ADAM2: variants seen among roughly 807,000 people sequenced by gnomAD.
The protein encoded by ADAM2 is disintegrin and metalloproteinase domain-containing protein 2.
A neutral mutation model predicts 99.3 loss-of-function variants in ADAM2; 101 were observed. The ratio of observed to expected loss-of-function variants is 1.02; its 90% confidence interval spans 0.87 to 1.20. ADAM2 has a LOEUF of 1.20. Ranked by LOEUF, ADAM2 falls within the 50% of genes most tolerant of loss-of-function variation. The probability of loss-of-function intolerance (pLI) is 0.00; values close to 1 mark genes in which losing one functional copy is unlikely to be tolerated. For missense variants in ADAM2, 948 were observed against 878.7 expected, an observed-to-expected ratio of 1.08 and a Z score of -1.00; for synonymous variants, 323 against 287.6, an observed-to-expected ratio of 1.12 and a Z score of -1.25.
intron 6 of ADAM2, among the ~76,000 whole-genome samples, chr8:39,816,665 T>A (rs1252742580): frequency 6.6e-6 from 1 of 152,090 alleles, no homozygotes; most frequent in African/African-American, 2.4e-5. Context: ...ACCTTATAAG[T>A]GAAAGAAGTC....
chr8:39,822,980 G>T (rs903139304), intron 4 of ADAM2, among the ~76,000 whole-genome samples: 2 of 152,076 alleles, frequency 1.3e-5, no homozygotes, highest in Non-Finnish European at 2.9e-5. Context: ...TTTTGGTCAG[G>T]ATGGTCTCCA....
At chr8:39,785,797 A>T (rs1031527189) in intron 10 of ADAM2, among the ~76,000 whole-genome samples, 17 of 31,238 alleles carry the variant, frequency 5.4e-4, no homozygotes, top group Non-Finnish European at 9.0e-4. Flanking sequence ...TGTCTCAAAT[A>T]AAAAAAAAAA....
At chr8:39,795,425 T>C (rs1803896951) in intron 7 of ADAM2, among the ~76,000 whole-genome samples, 1 of 152,288 alleles carries the variant, frequency 6.6e-6, no homozygotes, top group Admixed American at 6.5e-5. Flanking sequence ...GCCTGCTACC[T>C]GGAGGCTTCA....
At chr8:39,784,337 T>C (rs1803365914) in intron 10 of ADAM2, among the ~76,000 whole-genome samples, 1 of 152,180 alleles carries the variant, frequency 6.6e-6, no homozygotes, top group African/African-American at 2.4e-5. Flanking sequence ...CAGTAAATTA[T>C]GGCATTTTCT....
In ADAM2 at chr8:39,800,524, T is replaced by C. The variant is rs540704398; in HGVS notation, c.570+8886A>G. Reference sequence around the variant, plus strand: ...TGTCTTGGAGTTGATTTTCTCATGGTGTACTTTAACAGTGTTCTCTGTATT... The same window carrying C: ...TGTCTTGGAGTTGATTTTCTCATGGCGTACTTTAACAGTGTTCTCTGTATT... On this transcript the variant is annotated intron_variant, in intron 7 of 20. Coordinates refer to ENST00000265708, the MANE Select transcript of ADAM2 (RefSeq NM_001464.5). Among the ~76,000 whole-genome samples the C allele has an allele frequency of 2.7e-3, 415 of 152,186 alleles. 1 individual carries two copies. Among genetic ancestry groups the C allele is most frequent in the Non-Finnish European group, 4.8e-3 (329 of 67,982 alleles).
At chr8:39,819,094 A>T (rs1805068437) in intron 6 of ADAM2, among the ~76,000 whole-genome samples, 1 of 152,098 alleles carries the variant, frequency 6.6e-6, no homozygotes, top group Non-Finnish European at 1.5e-5. Flanking sequence ...GAAAATAAGA[A>T]TATTGAAGGA....
At chr8:39,760,065 C>G (rs996906803) in intron 15 of ADAM2, among the ~76,000 whole-genome samples, 2 of 152,002 alleles carry the variant, frequency 1.3e-5, no homozygotes, top group African/African-American at 4.8e-5. Context: ...CGGGGATTCA[C>G]CAGGTTGGCC....
At chr8:39,749,586 CGTGT>C in intron 17 of ADAM2, 77 bp downstream of exon 17, 2 of 1,214,444 alleles carry the variant, frequency 1.6e-6, no homozygotes, top group Admixed American at 1.9e-5. Context: ...TGTGTGTGTG[CGTGT>C]GTGTGTGTGT....
intron 2 of ADAM2, among the ~76,000 whole-genome samples, chr8:39,835,195 C>G (rs1475299991): frequency 6.6e-6 from 1 of 152,118 alleles, no homozygotes; most frequent in African/African-American, 2.4e-5. Flanking sequence ...ACTATTACCT[C>G]TTCTTCTTTT....
At chr8:39,828,349 A>G (rs1805492127) in intron 3 of ADAM2, among the ~76,000 whole-genome samples, 1 of 151,842 alleles carries the variant, frequency 6.6e-6, no homozygotes, top group South Asian at 2.1e-4. Flanking sequence ...GGTAATTGGT[A>G]GGAGGACTAA....
chr8:39,804,101 G>A (rs1311018594), intron 7 of ADAM2, among the ~76,000 whole-genome samples: 4 of 152,192 alleles, frequency 2.6e-5, no homozygotes, highest in Non-Finnish European at 1.5e-5. Flanking sequence ...GTTTGTGGAT[G>A]TTCTCTTCTG....
chr8:39,767,150 T>C lies in ADAM2; in HGVS notation c.1311+3A>G, dbSNP rs1301756338. On this transcript the variant is annotated splice_donor_region_variant and intron_variant, in intron 13 of 20. Coordinates refer to ENST00000265708, the MANE Select transcript of ADAM2 (RefSeq NM_001464.5). ...ATATTGAAATTTTTCAAAAAGCTCTTACTAGACAGTTTTCGCAGCATGGTC... is the reference window on the plus strand; with the variant it reads ...ATATTGAAATTTTTCAAAAAGCTCTCACTAGACAGTTTTCGCAGCATGGTC... 1 of 1,605,498 alleles carries C rather than the reference T, an allele frequency of 6.2e-7. No homozygotes were observed. The highest frequency in any genetic ancestry group is 8.5e-7 in the Non-Finnish European group (1 of 1,177,900).
Position 39,746,628 on chromosome 8 carries a change from C to A in ADAM2, c.2018G>T (p.Arg673Met). 1.3e-6 allele frequency: 2 copies of A among 1,568,850 alleles called. No individual in the cohort carries two copies. The highest frequency in any genetic ancestry group is 2.1e-5 in the Admixed American group (1 of 48,650). Residue 673 changes from arginine (R) to methionine (M), a missense_variant, in exon 19 of 21, where the codon AGG becomes ATG. By Grantham distance (91) the Arg-to-Met change is moderately conservative. Coordinates refer to ENST00000265708, the MANE Select transcript of ADAM2 (RefSeq NM_001464.5). ...PVAIPARLPERRYIENIYHSK... is the reference protein window; with the variant it reads ...PVAIPARLPEMRYIENIYHSK... ...ATGGTAAATGTTCTCAATGTAGCGC[C>A]TTTCTAGAAGAAAAAAAAATCAAAG...
chr8:39,827,913 G>T (rs1224836555), intron 3 of ADAM2, among the ~76,000 whole-genome samples: 6 of 152,032 alleles, frequency 3.9e-5, no homozygotes, highest in African/African-American at 1.4e-4. Context: ...TGATGAATAT[G>T]TTAATTAGCT....
chr8:39,837,984 G>A lies in ADAM2; in HGVS notation c.55+147C>T, dbSNP rs538716920. ...TTCTACGTGGATTTTGGGTGGGGAA[G>A]GCGGCAATGTCGGGGATGAGCTTGG... is the stretch of plus-strand genomic sequence containing the variant. On this transcript the variant is annotated intron_variant, in intron 1 of 20. Coordinates refer to ENST00000265708, the MANE Select transcript of ADAM2 (RefSeq NM_001464.5). 5.7e-5 allele frequency: 47 copies of A among 819,986 alleles called. No individual in the cohort carries two copies. In the African/African-American group the frequency reaches 7.7e-4, roughly 13 times the overall value. The allele number at this position is 819,986 out of a possible 1,614,324, so 50.8% of individuals were successfully genotyped here. A position where few individuals can be genotyped will look rare whatever the true frequency, so the allele number is the denominator to read the frequency against.
At chr8:39,787,969 G>T (rs1193904737) in intron 9 of ADAM2, 116 bp downstream of exon 9, 2 of 579,070 alleles carry the variant, frequency 3.5e-6, no homozygotes, top group Non-Finnish European at 5.4e-6. Flanking sequence ...TATTTACATG[G>T]CGTGTGTGAG....
intron 15 of ADAM2, among the ~76,000 whole-genome samples, chr8:39,756,142 A>G (rs560835167): frequency 1.3e-5 from 2 of 152,278 alleles, no homozygotes; most frequent in East Asian, 3.9e-4. Context: ...GGTTTTTGCC[A>G]CTTTTTTAAT....
chr8:39,811,955 G>A (rs1318683523), intron 6 of ADAM2, among the ~76,000 whole-genome samples: 1 of 152,148 alleles, frequency 6.6e-6, no homozygotes, highest in Non-Finnish European at 1.5e-5. Context: ...AAGAAATAAA[G>A]CATATTCAAT....
chr8:39,787,706 T>A (rs1008128125), intron 9 of ADAM2, among the ~76,000 whole-genome samples: 5 of 151,654 alleles, frequency 3.3e-5, no homozygotes, highest in Non-Finnish European at 7.4e-5. Flanking sequence ...AGTGTTTCAA[T>A]TACTTTGCTT....
Sources: allele counts gnomAD v4.1 joint callset (sites outside exome capture counted in the v4.1 genomes callset), GRCh38; gene constraint gnomAD v4.1.1; transcripts MANE v1.5; gene names NCBI Gene and HGNC (gene_info 2026-07-23, HGNC 2026-07-21).